CDC42BPA: variants seen among roughly 807,000 people sequenced by gnomAD.
The protein encoded by CDC42BPA is CDC42 binding protein kinase alpha.
In CDC42BPA, 80 loss-of-function variants were observed where a neutral mutation model predicts 223.5. The ratio of observed to expected loss-of-function variants is 0.36; its 90% CI spans 0.30 to 0.43. The LOEUF (loss-of-function observed/expected upper bound fraction) is 0.43, where lower values mean the gene tolerates loss of function less well. Ranked by LOEUF, CDC42BPA falls within the 20% of genes least tolerant of loss-of-function variation. The pLI, the probability that CDC42BPA is intolerant of heterozygous loss-of-function variation, is 1.00. For missense variants in CDC42BPA, 1,743 were observed against 2,099.9 expected, an observed-to-expected ratio of 0.83 and a Z score of 3.32; for synonymous variants, 694 against 718.6, an observed-to-expected ratio of 0.97 and a Z score of 0.55.
intron 10 of CDC42BPA, among the ~76,000 whole-genome samples, chr1:227,135,397 C>T (rs984774349): frequency 2.6e-5 from 4 of 152,106 alleles, no homozygotes; most frequent in African/African-American, 4.8e-5. Context: ...TGGCCAGTCT[C>T]TTCATCAAGA....
rs55845581 is a variant in CDC42BPA at position 227,072,251 on chromosome 1, G to A, written c.2784C>T (p.Ile928=). The A allele has an allele frequency of 1.7e-5, 27 of 1,609,138 alleles. No homozygotes were observed. The highest frequency in any genetic ancestry group is 9.9e-5 in the South Asian group (9 of 90,796). Residue 928 remains isoleucine, a synonymous_variant, in exon 20 of 37, where the codon ATC becomes ATT. Coordinates refer to ENST00000366766, the MANE Select transcript of CDC42BPA (RefSeq NM_001394014.1). ...EKKNLELLSE[I]EQLIKDTEEL... ...CTTCAGTGTCCTTTATCAGCTGTTC[G>A]ATTTCTGAGAGTAGTTCCAAGTTCT...
chr1:227,270,277 G>A (rs550503472), intron 1 of CDC42BPA, among the ~76,000 whole-genome samples: 2 of 152,252 alleles, frequency 1.3e-5, no homozygotes, highest in South Asian at 2.1e-4. Flanking sequence ...TAAATGCATA[G>A]GAAGAGGGTC....
At chr1:227,097,487 C>A (rs926166529) in intron 15 of CDC42BPA, among the ~76,000 whole-genome samples, 1 of 152,144 alleles carries the variant, frequency 6.6e-6, no homozygotes, top group African/African-American at 2.4e-5. Flanking sequence ...CAGGAGGACA[C>A]CCCCAACCAG....
At chr1:227,169,211 G>A (rs1665680955) in intron 5 of CDC42BPA, among the ~76,000 whole-genome samples, 1 of 152,072 alleles carries the variant, frequency 6.6e-6, no homozygotes, top group African/African-American at 2.4e-5. Context: ...GTTGTTAACA[G>A]CCACTTAAAA....
intron 16 of CDC42BPA, among the ~76,000 whole-genome samples, chr1:227,083,514 C>G (rs1015747708): frequency 4.6e-5 from 7 of 152,044 alleles, no homozygotes; most frequent in African/African-American, 1.7e-4. Context: ...GGGTCTGTTT[C>G]TACTGACTGC....
At chr1:227,196,338 CTTTTTT>C (rs34352900) in intron 4 of CDC42BPA, among the ~76,000 whole-genome samples, 3 of 92,352 alleles carry the variant, frequency 3.2e-5, no homozygotes, top group African/African-American at 1.4e-4. Flanking sequence ...TTAAACAATA[CTTTTTT>C]TTTTTTTTTT....
intron 3 of CDC42BPA, among the ~76,000 whole-genome samples, chr1:227,202,203 C>G (rs1284171032): frequency 6.6e-6 from 1 of 152,088 alleles, no homozygotes; most frequent in South Asian, 2.1e-4. Context: ...AGGATGGTCT[C>G]GATCTCCTGA....
At chr1:227,219,028 T>C (rs544516839) in intron 2 of CDC42BPA, among the ~76,000 whole-genome samples, 1 of 152,292 alleles carries the variant, frequency 6.6e-6, no homozygotes, top group African/African-American at 2.4e-5. Context: ...AAATACAGTA[T>C]GCCCACACCA....
chr1:227,140,584 A>C (rs1659492192), intron 9 of CDC42BPA, among the ~76,000 whole-genome samples: 1 of 152,066 alleles, frequency 6.6e-6, no homozygotes, highest in Non-Finnish European at 1.5e-5. Flanking sequence ...TTGAGTAAAC[A>C]AGGAAAAATA....
intron 2 of CDC42BPA, among the ~76,000 whole-genome samples, chr1:227,252,480 A>G (rs1682193644): frequency 6.6e-6 from 1 of 152,128 alleles, no homozygotes; most frequent in South Asian, 2.1e-4. Context: ...AATAATAACA[A>G]TCTTCACTAA....
intron 2 of CDC42BPA, 123 bp from the exon 3 acceptor site, chr1:227,213,342 A>AATT: frequency 1.8e-6 from 1 of 546,670 alleles, no homozygotes; most frequent in Non-Finnish European, 3.2e-6. Context: ...ATGCAGTTCA[A>AATT]ATTCTAAGAT....
At chr1:227,202,350 T>G (rs1671931943) in intron 3 of CDC42BPA, among the ~76,000 whole-genome samples, 2 of 152,200 alleles carry the variant, frequency 1.3e-5, no homozygotes, top group African/African-American at 4.8e-5. Flanking sequence ...TGTTTTATGA[T>G]TTAACCAACC....
At chr1:227,013,892 C>T (rs1250745754) in intron 34 of CDC42BPA, among the ~76,000 whole-genome samples, 1 of 152,066 alleles carries the variant, frequency 6.6e-6, no homozygotes. Flanking sequence ...AAACTACTAA[C>T]TCAATTTAAA....
At chr1:227,204,454 C>T (rs1389695335) in intron 3 of CDC42BPA, among the ~76,000 whole-genome samples, 1 of 152,070 alleles carries the variant, frequency 6.6e-6, no homozygotes, top group African/African-American at 2.4e-5. Context: ...CAATAGCTAT[C>T]AAAGTTTTAA....
intron 12 of CDC42BPA, among the ~76,000 whole-genome samples, chr1:227,114,410 C>T (rs1687449799): frequency 6.7e-6 from 1 of 148,488 alleles, no homozygotes; most frequent in Non-Finnish European, 1.5e-5. Context: ...CAGAGCTTAC[C>T]ATAATCAGAT....
At chr1:227,163,309 A>G (rs909168441) in intron 5 of CDC42BPA, among the ~76,000 whole-genome samples, 5 of 152,230 alleles carry the variant, frequency 3.3e-5, no homozygotes, top group Middle Eastern at 3.4e-3. Context: ...AAATTTATCA[A>G]TTCTCCTGAT....
chr1:227,313,869 T>C (rs1693943963), intron 1 of CDC42BPA, among the ~76,000 whole-genome samples: 1 of 152,166 alleles, frequency 6.6e-6, no homozygotes, highest in East Asian at 1.9e-4. Context: ...TTTCTATGTA[T>C]ATACAAAATC....
chr1:227,104,063 A>AT (rs1685491975), intron 14 of CDC42BPA, among the ~76,000 whole-genome samples: 1 of 152,142 alleles, frequency 6.6e-6, no homozygotes, highest in Admixed American at 6.6e-5. Flanking sequence ...AGAGAGTTTT[A>AT]TGAATTGGTA....
At chr1:227,111,128 C>T (rs1227431392) in intron 14 of CDC42BPA, among the ~76,000 whole-genome samples, 1 of 152,068 alleles carries the variant, frequency 6.6e-6, no homozygotes, top group African/African-American at 2.4e-5. Flanking sequence ...AGAAGCAGTA[C>T]AGGAGTATGT....
Sources: allele counts gnomAD v4.1 joint callset (sites outside exome capture counted in the v4.1 genomes callset), GRCh38; gene constraint gnomAD v4.1.1; transcripts MANE v1.5; gene names NCBI Gene and HGNC (gene_info 2026-07-23, HGNC 2026-07-21).